TBXA2R: variants seen among roughly 807,000 people sequenced by gnomAD.
TBXA2R encodes prostanoid TP receptor.
TBXA2R carries 15 observed loss-of-function variants against 15.6 expected under a neutral mutation model. That is an observed-to-expected ratio of 0.96 (90% CI 0.64 to 1.48). The LOEUF is 1.48. Ranked by LOEUF, TBXA2R falls within the 40% of genes most tolerant of loss-of-function variation. The probability of loss-of-function intolerance (pLI) is 0.00; values close to 1 mark genes in which losing one functional copy is unlikely to be tolerated. For missense variants in TBXA2R, 506 were observed against 491.4 expected, an observed-to-expected ratio of 1.03 and a Z score of -0.28; for synonymous variants, 280 against 241.2, an observed-to-expected ratio of 1.16 and a Z score of -1.49.
In TBXA2R at chr19:3,595,653, G is replaced by T. The variant is rs902163191; in HGVS notation, c.*35C>A. On this transcript the variant is annotated 3_prime_UTR_variant, in exon 3 of 3. Transcript: ENST00000375190. ...GGCTGTCCGAGGGGCCAAGGGCTCC[G>T]CGGAAAGGCGCGGGAGGGGCGCTCT... The T allele has an allele frequency of 6.5e-7, 1 of 1,541,038 alleles. No homozygotes were observed. The highest frequency in any genetic ancestry group is 8.8e-7 in the Non-Finnish European group (1 of 1,139,744).
chr19:3,604,946 G>A (rs1428731070), intron 1 of TBXA2R, among the ~76,000 whole-genome samples: 1 of 152,092 alleles, frequency 6.6e-6, no homozygotes, highest in African/African-American at 2.4e-5. Context: ...ACGCTCATGG[G>A]CGTGGACCCC....
At chr19:3,604,488 A>C (rs2032794247) in intron 1 of TBXA2R, among the ~76,000 whole-genome samples, 12 of 148,806 alleles carry the variant, frequency 8.1e-5, no homozygotes, top group African/African-American at 1.7e-4. Context: ...CCCCTCCCCC[A>C]CTCCCTGGAG....
At chr19:3,596,192 C>T (rs958679905) in intron 2 of TBXA2R, among the ~76,000 whole-genome samples, 1 of 152,142 alleles carries the variant, frequency 6.6e-6, no homozygotes, top group Non-Finnish European at 1.5e-5. Context: ...CCACACCTGG[C>T]TAATTTTTGT....
At chr19:3,604,478 C>T (rs1250082678) in intron 1 of TBXA2R, among the ~76,000 whole-genome samples, 2 of 152,106 alleles carry the variant, frequency 1.3e-5, no homozygotes, top group Admixed American at 6.5e-5. Context: ...ATCCTCGTGC[C>T]CCCTCCCCCA....
intron 2 of TBXA2R, among the ~76,000 whole-genome samples, chr19:3,597,588 G>A (rs906563718): frequency 5.3e-5 from 8 of 151,430 alleles, no homozygotes; most frequent in Admixed American, 2.0e-4. Flanking sequence ...CTAAAATTGT[G>A]CCACTGCACT....
At chr19:3,598,350 C>CTTTTTTTTTTT (rs1177792648) in intron 2 of TBXA2R, among the ~76,000 whole-genome samples, 14 of 56,570 alleles carry the variant, frequency 2.5e-4, no homozygotes, top group African/African-American at 6.2e-4. Context: ...CTTTTCTTTT[C>CTTTTTTTTTTT]TTTTTTTTTT....
At chr19:3,603,171 C>G (rs928004466) in intron 1 of TBXA2R, among the ~76,000 whole-genome samples, 2 of 152,250 alleles carry the variant, frequency 1.3e-5, no homozygotes, top group African/African-American at 4.8e-5. Context: ...CAGCAGCTAA[C>G]GCATTCCAGG....
chr19:3,598,933 G>A (rs1322154246), intron 2 of TBXA2R, among the ~76,000 whole-genome samples: 2 of 152,182 alleles, frequency 1.3e-5, no homozygotes, highest in African/African-American at 2.4e-5. Flanking sequence ...CTCACAAAGT[G>A]CTGGGATTTC....
chr19:3,602,671 G>C (rs2032759823), intron 1 of TBXA2R, among the ~76,000 whole-genome samples: 1 of 150,424 alleles, frequency 6.6e-6, no homozygotes. Flanking sequence ...ACCCGACAGG[G>C]GAAGTGATGT....
Position 3,600,157 on chromosome 19 carries a change from C to A in TBXA2R, c.478G>T (p.Ala160Ser), listed in dbSNP as rs5749. 7 of 1,602,368 alleles carry A rather than the reference C, an allele frequency of 4.4e-6. No homozygotes were observed. The African/African-American group carries it at 9.4e-5, about 21-fold the overall frequency. ...AGGGGCAGCAGGCCCAGCGCCAGCGCGGCCGCCCACACCAGCCCCACGGTG... is the reference window on the plus strand; with the variant it reads ...AGGGGCAGCAGGCCCAGCGCCAGCGAGGCCGCCCACACCAGCCCCACGGTG... The part of the protein sequence containing the change: ...WATVGLVWAA[A>S]LALGLLPLLG... The change falls in exon 2 of 3, where the codon GCG (alanine) becomes TCG (serine). Residue 160 changes from alanine to serine, a missense_variant. Transcript: ENST00000375190.
chr19:3,604,314 T>G (rs1206706764), intron 1 of TBXA2R, among the ~76,000 whole-genome samples: 1 of 152,068 alleles, frequency 6.6e-6, no homozygotes, highest in Non-Finnish European at 1.5e-5. Flanking sequence ...GGCTTGCAGG[T>G]CGTGTGACTC....
rs754308869 is a variant in TBXA2R, at chr19:3,599,934, T to C, written c.701A>G (p.Gln234Arg). Residue 234 changes from glutamine to arginine, a missense_variant, in exon 2 of 3, where the codon CAG becomes CGG. Coordinates refer to ENST00000375190, the MANE Select transcript of TBXA2R (RefSeq NM_001060.6). Reference protein sequence around the residue: ...HVYHGQEAAQQRPRDSEVEMM... With the variant: ...HVYHGQEAAQRRPRDSEVEMM... The stretch of plus-strand genomic sequence containing the variant: ...CTCCACCTCGGAGTCCCGGGGACGC[T>C]GCTGGGCCGCCTCCTGCCCGTGGTA... The C allele has an allele frequency of 7.7e-6, 12 of 1,554,616 alleles. No homozygotes were observed. Among genetic ancestry groups the C allele is most frequent in the Non-Finnish European group, 1.0e-5 (12 of 1,150,200 alleles).
rs1480009066 is a variant in TBXA2R, at chr19:3,600,131, C to A, written c.504G>T (p.Leu168=). ...GCACGGTGTAGCGACCCACGCCCAG[C>A]AGGGGCAGCAGGCCCAGCGCCAGCG... is the stretch of plus-strand genomic sequence containing the variant. ...AAALALGLLP[L]LGVGRYTVQY... Residue 168 remains leucine, a synonymous_variant, in exon 2 of 3, where the codon CTG becomes CTT. Transcript: ENST00000375190. 16 of 1,610,430 alleles carry A rather than the reference C, an allele frequency of 9.9e-6. No individual in the cohort carries two copies. The highest frequency in any genetic ancestry group is 1.4e-5 in the Non-Finnish European group (16 of 1,178,986).
Position 3,603,194 on chromosome 19 carries a change from G to A in TBXA2R, c.-83-2477C>T, listed in dbSNP as rs867401361. Among the ~76,000 whole-genome samples the A allele has an allele frequency of 2.0e-5, 3 of 152,368 alleles. No homozygotes were observed. In the South Asian group the frequency reaches 6.2e-4, roughly 32 times the overall value. ...AACGCATTCCAGGGCGGTCAAATGG[G>A]TGACTGTGGCCCTCACTCCCCATCT... On this transcript the variant is annotated intron_variant, in intron 1 of 2. Coordinates refer to ENST00000375190, the MANE Select transcript of TBXA2R (RefSeq NM_001060.6).
chr19:3,599,537 G>A (rs10407626), intron 2 of TBXA2R, among the ~76,000 whole-genome samples: 77,891 of 151,198 alleles, frequency 0.52, 20,609 homozygotes, highest in Non-Finnish European at 0.55. Flanking sequence ...TCACCGTGTT[G>A]GCCAGAATGG....
chr19:3,600,835 T>TTC (rs1555706993), intron 1 of TBXA2R, 118 bp from the exon 2 acceptor site: 3 of 615,136 alleles, frequency 4.9e-6, no homozygotes, highest in Admixed American at 6.0e-5. Flanking sequence ...GGTTTTTTTT[T>TTC]TTTTTTTTTT....
intron 1 of TBXA2R, among the ~76,000 whole-genome samples, chr19:3,603,864 C>T (rs1200454765): frequency 6.6e-6 from 1 of 152,076 alleles, no homozygotes; most frequent in Non-Finnish European, 1.5e-5. Flanking sequence ...ATGGGGGGAC[C>T]GGGCAGGGCC....
intron 1 of TBXA2R, 118 bp from the exon 2 acceptor site, chr19:3,600,835 T>TTTTG: frequency 8.1e-6 from 5 of 615,234 alleles, no homozygotes; most frequent in Admixed American, 6.0e-5. Context: ...GGTTTTTTTT[T>TTTTG]TTTTTTTTTT....
In TBXA2R at chr19:3,595,500, G is replaced by T; in HGVS notation, c.*188C>A. 7.0e-7 allele frequency: 1 copy of T among 1,429,400 alleles called. No homozygotes were observed. Among genetic ancestry groups the T allele is most frequent in the Non-Finnish European group, 9.1e-7 (1 of 1,095,652 alleles). The allele number at this position is 1,429,400 out of a possible 1,614,324, so 88.5% of individuals were successfully genotyped here. On this transcript the variant is annotated 3_prime_UTR_variant, in exon 3 of 3. Transcript: ENST00000375190. ...AAAAAGGGGCCGAGGAAGGGAGAGT[G>T]CTTGGTAAAAGGATCAGGGAGGAGT...
Sources: gnomAD v4.1 joint callset for allele counts (sites outside exome capture counted in the v4.1 genomes callset) on GRCh38, gnomAD v4.1.1 for gene constraint, MANE v1.5 for transcripts, NCBI Gene and HGNC (gene_info 2026-07-23, HGNC 2026-07-21) for gene names.